The following AUTS2 variants were observed in gnomAD, a reference collection of about 807,000 sequenced individuals.
The protein encoded by AUTS2 is activator of transcription and developmental regulator AUTS2.
Under a neutral mutation model 112.4 loss-of-function variants are expected in AUTS2, and 17 were observed. The ratio of observed to expected loss-of-function variants is 0.15; its 90% CI spans 0.10 to 0.23. AUTS2 has a LOEUF of 0.23. Among genes scored for constraint, AUTS2 ranks in the 10% least tolerant of loss-of-function variants. AUTS2 has a pLI of 1.00. For missense variants in AUTS2, 1,510 were observed against 1,701.6 expected (o/e 0.89, Z 1.98); for synonymous variants, 751 against 702.7 (o/e 1.07, Z -1.09).
intron 2 of AUTS2, among the ~76,000 whole-genome samples, chr7:69,990,343 T>C (rs1798695554): frequency 6.6e-6 from 1 of 152,222 alleles, no homozygotes; most frequent in Non-Finnish European, 1.5e-5. Flanking sequence ...ATTTTGTTCA[T>C]TGTTACCGTC....
At chr7:70,236,013 A>G (rs1192714813) in intron 4 of AUTS2, among the ~76,000 whole-genome samples, 1 of 152,006 alleles carries the variant, frequency 6.6e-6, no homozygotes, top group African/African-American at 2.4e-5. Context: ...TTGACCCTGT[A>G]TTTTCTTAGC....
intron 4 of AUTS2, among the ~76,000 whole-genome samples, chr7:70,195,514 T>C (rs755208494): frequency 4.6e-5 from 7 of 152,076 alleles, no homozygotes; most frequent in African/African-American, 1.4e-4. Context: ...AGTCGGGCAC[T>C]GTGCTGTGTA....
intron 5 of AUTS2, among the ~76,000 whole-genome samples, chr7:70,684,179 T>C (rs1218278934): frequency 1.3e-5 from 2 of 151,552 alleles, no homozygotes; most frequent in Non-Finnish European, 2.9e-5. Context: ...TTAGCATAGA[T>C]GCAGGAGTCA....
intron 4 of AUTS2, among the ~76,000 whole-genome samples, chr7:70,197,452 T>C (rs1250568212): frequency 7.0e-6 from 1 of 142,388 alleles, no homozygotes; most frequent in African/African-American, 2.6e-5. Context: ...CACTAGGGAG[T>C]GCCAGACAGT....
intron 2 of AUTS2, among the ~76,000 whole-genome samples, chr7:69,937,566 G>A (rs775832684): frequency 6.6e-6 from 1 of 152,130 alleles, no homozygotes; most frequent in Non-Finnish European, 1.5e-5. Context: ...TTGGATGGGG[G>A]TGCTTCTGGA....
intron 1 of AUTS2, among the ~76,000 whole-genome samples, chr7:69,718,985 C>T (rs1435331823): frequency 2.6e-5 from 4 of 152,194 alleles, no homozygotes; most frequent in African/African-American, 7.2e-5. Context: ...GCTAGAGATC[C>T]TCTTAGCCAG....
At chr7:70,710,285 G>A (rs568778492) in intron 6 of AUTS2, among the ~76,000 whole-genome samples, 1 of 152,194 alleles carries the variant, frequency 6.6e-6, no homozygotes, top group East Asian at 1.9e-4. Context: ...AGCACCCCAG[G>A]GGCAACTGCC....
intron 1 of AUTS2, among the ~76,000 whole-genome samples, chr7:69,677,236 C>CTGGT (rs938131113): frequency 2.4e-4 from 36 of 152,284 alleles, no homozygotes; most frequent in African/African-American, 8.2e-4. Flanking sequence ...TGGCCCCCTA[C>CTGGT]TGGTCTCTGA....
intron 1 of AUTS2, among the ~76,000 whole-genome samples, chr7:69,681,890 G>A (rs1796815979): frequency 6.6e-6 from 1 of 152,116 alleles, no homozygotes; most frequent in Admixed American, 6.5e-5. Context: ...TGGAGACCTT[G>A]GCAATTGAGT....
At chr7:69,647,615 C>G (rs962375381) in intron 1 of AUTS2, among the ~76,000 whole-genome samples, 1 of 152,196 alleles carries the variant, frequency 6.6e-6, no homozygotes, top group African/African-American at 2.4e-5. Context: ...CTCAGCTTCC[C>G]CTAAGTGCTG....
intron 2 of AUTS2, among the ~76,000 whole-genome samples, chr7:70,071,192 C>A (rs938566255): frequency 2.0e-5 from 3 of 152,176 alleles, no homozygotes; most frequent in Admixed American, 1.3e-4. Flanking sequence ...TTTGGGAATT[C>A]TGACTAGAAG....
intron 2 of AUTS2, among the ~76,000 whole-genome samples, chr7:70,000,852 C>T (rs1050664764): frequency 6.6e-6 from 1 of 151,706 alleles, no homozygotes; most frequent in African/African-American, 2.4e-5. Context: ...TGTTCTTTTG[C>T]CCGCCTCCTT....
At chr7:70,378,693 C>T (rs1325606990) in intron 4 of AUTS2, among the ~76,000 whole-genome samples, 2 of 152,186 alleles carry the variant, frequency 1.3e-5, no homozygotes, top group East Asian at 3.9e-4. Flanking sequence ...ATCTATATTC[C>T]TCATTATATT....
chr7:70,677,576 C>A (rs2129544786), intron 5 of AUTS2, among the ~76,000 whole-genome samples: 1 of 152,204 alleles, frequency 6.6e-6, no homozygotes, highest in African/African-American at 2.4e-5. Flanking sequence ...TGCCATTTTC[C>A]TCGAGTCACT....
chr7:69,639,793 C>G lies in AUTS2; in HGVS notation c.309+39831C>G, dbSNP rs1012767954. Among the ~76,000 whole-genome samples, 3 of 152,194 alleles carry G rather than the reference C, an allele frequency of 2.0e-5. No individual in the cohort carries two copies. The East Asian group carries it at 5.8e-4, about 29-fold the overall frequency. On this transcript the variant is annotated intron_variant, in intron 1 of 18. Coordinates refer to ENST00000342771, the MANE Select transcript of AUTS2 (RefSeq NM_015570.4). ...GAGAATTGTCTCTGATGATAGGACTCTTTTAAGAAAGCAGTGAAAAAGCAG... is the reference window on the plus strand; with the variant it reads ...GAGAATTGTCTCTGATGATAGGACTGTTTTAAGAAAGCAGTGAAAAAGCAG...
At chr7:69,961,753 G>A (rs890861912) in intron 2 of AUTS2, among the ~76,000 whole-genome samples, 1 of 152,080 alleles carries the variant, frequency 6.6e-6, no homozygotes, top group Admixed American at 6.6e-5. Context: ...AGCCCATGTT[G>A]TAAGGCTATG....
At chr7:69,724,625 A>G (rs1193157310) in intron 1 of AUTS2, among the ~76,000 whole-genome samples, 2 of 152,222 alleles carry the variant, frequency 1.3e-5, no homozygotes, top group African/African-American at 2.4e-5. Flanking sequence ...TGTTTTGCTG[A>G]GCTGAATGAA....
In AUTS2 at chr7:70,639,815, T is replaced by C. The variant is rs530852073; in HGVS notation, c.691-58754T>C. Among the ~76,000 whole-genome samples the C allele has an allele frequency of 2.4e-4, 37 of 151,950 alleles. No homozygotes were observed. In the South Asian group the frequency reaches 7.7e-3, roughly 32 times the overall value. ...AGGCCGAGTTCAGCACTGCTTGTCATTTACTTGCCTCAGTTTCCCTATCAG... is the reference window on the plus strand; with the variant it reads ...AGGCCGAGTTCAGCACTGCTTGTCACTTACTTGCCTCAGTTTCCCTATCAG... On this transcript the variant is annotated intron_variant, in intron 5 of 18. Coordinates refer to ENST00000342771, the MANE Select transcript of AUTS2 (RefSeq NM_015570.4).
chr7:70,784,865 T>G, intron 15 of AUTS2, 77 bp from the exon 16 acceptor site: 1 of 1,374,006 alleles, frequency 7.3e-7, no homozygotes, highest in Non-Finnish European at 1.0e-6. Context: ...CACGGGGCCC[T>G]TAAGCAAGTA....
Sources: gnomAD v4.1 joint callset for allele counts (sites outside exome capture counted in the v4.1 genomes callset) on GRCh38, gnomAD v4.1.1 for gene constraint, MANE v1.5 for transcripts, NCBI Gene and HGNC (gene_info 2026-07-23, HGNC 2026-07-21) for gene names.